Variants in DPP6 observed in about 807,000 individuals in gnomAD.
DPP6 encodes A-type potassium channel modulatory protein DPP6.
In DPP6, 69 loss-of-function variants were observed where a neutral mutation model predicts 122.6. The observed-to-expected ratio is 0.56, with a 90% CI of 0.46 to 0.69. The LOEUF (loss-of-function observed/expected upper bound fraction) is 0.69, where lower values mean the gene tolerates loss of function less well. DPP6 is among the 30% of genes least tolerant of loss of function. The probability of loss-of-function intolerance (pLI) is 0.00; values close to 1 mark genes in which losing one functional copy is unlikely to be tolerated. For synonymous variants in DPP6, 418 were observed against 433.1 expected, an observed-to-expected ratio of 0.97 and a Z score of 0.43; for missense variants, 928 against 1,116.9, an observed-to-expected ratio of 0.83 and a Z score of 2.41.
chr7:154,416,393 A>C (rs1474389252), intron 1 of DPP6, among the ~76,000 whole-genome samples: 1 of 152,226 alleles, frequency 6.6e-6, no homozygotes, highest in Non-Finnish European at 1.5e-5. Context: ...GCATTGTATC[A>C]TCTCAGATCA....
chr7:153,995,717 T>A (rs556558446), intron 1 of DPP6, among the ~76,000 whole-genome samples: 3 of 151,992 alleles, frequency 2.0e-5, no homozygotes, highest in East Asian at 3.9e-4. Flanking sequence ...GCTATCGGCA[T>A]ATATTGGCAT....
intron 1 of DPP6, among the ~76,000 whole-genome samples, chr7:154,101,682 CT>C (rs915393432): frequency 6.6e-6 from 1 of 151,872 alleles, no homozygotes; most frequent in African/African-American, 2.4e-5. Context: ...AATCCCAGCC[CT>C]CTGGGAGGCT....
chr7:153,967,093 T>TA (rs372253796), intron 1 of DPP6, among the ~76,000 whole-genome samples: 10,635 of 146,404 alleles, frequency 0.073, 1,240 homozygotes, highest in African/African-American at 0.25. Flanking sequence ...ACACAAAAGA[T>TA]AAAAAAAAAA....
chr7:154,061,416 C>A (rs1223292832), intron 1 of DPP6, among the ~76,000 whole-genome samples: 3 of 146,748 alleles, frequency 2.0e-5, no homozygotes, highest in Admixed American at 6.7e-5. Flanking sequence ...CTGGCTGAGG[C>A]CGGTAGCCTA....
intron 1 of DPP6, among the ~76,000 whole-genome samples, chr7:154,390,459 T>C (rs529014510): frequency 2.0e-5 from 3 of 151,992 alleles, no homozygotes; most frequent in South Asian, 4.2e-4. Context: ...TTCTGTGAGA[T>C]TGGAGGTATT....
intron 1 of DPP6, among the ~76,000 whole-genome samples, chr7:154,349,395 C>G (rs534748977): frequency 6.6e-6 from 1 of 152,214 alleles, no homozygotes; most frequent in Non-Finnish European, 1.5e-5. Flanking sequence ...AGGCTTGTCT[C>G]GAACTCCTGA....
At chr7:154,500,533 TCTC>T (rs1292487209) in intron 3 of DPP6, among the ~76,000 whole-genome samples, 1 of 152,154 alleles carries the variant, frequency 6.6e-6, no homozygotes, top group Non-Finnish European at 1.5e-5. Flanking sequence ...CCTGCGTTGT[TCTC>T]CTGATAGCGA....
intron 2 of DPP6, among the ~76,000 whole-genome samples, chr7:154,469,248 T>G (rs576779429): frequency 4.6e-5 from 7 of 152,336 alleles, no homozygotes; most frequent in African/African-American, 1.7e-4. Flanking sequence ...TACATTTTCT[T>G]GTAGCTCCTC....
At chr7:154,704,069 A>G (rs1467502355) in intron 7 of DPP6, among the ~76,000 whole-genome samples, 1 of 152,264 alleles carries the variant, frequency 6.6e-6, no homozygotes, top group Non-Finnish European at 1.5e-5. Context: ...CATTAAGAAC[A>G]TTCATATGCA....
chr7:154,097,070 A>G (rs1304598620), intron 1 of DPP6, among the ~76,000 whole-genome samples: 3 of 152,238 alleles, frequency 2.0e-5, no homozygotes, highest in African/African-American at 4.8e-5. Context: ...TCCACACTGC[A>G]CAGCCTGCTT....
At chr7:154,003,470 C>A (rs1225353297) in intron 1 of DPP6, among the ~76,000 whole-genome samples, 1 of 152,228 alleles carries the variant, frequency 6.6e-6, no homozygotes, top group Non-Finnish European at 1.5e-5. Context: ...GTGACACTCT[C>A]CTAACACAGA....
At chr7:154,001,503 C>T (rs1323909849) in intron 1 of DPP6, among the ~76,000 whole-genome samples, 4 of 149,626 alleles carry the variant, frequency 2.7e-5, no homozygotes, top group Admixed American at 6.7e-5. Context: ...ACATCTGGAG[C>T]GCTGTCCTCA....
intron 16 of DPP6, among the ~76,000 whole-genome samples, chr7:154,834,542 G>A (rs1800898053): frequency 6.6e-6 from 1 of 152,094 alleles, no homozygotes; most frequent in Admixed American, 6.5e-5. Context: ...CTCTAATAAT[G>A]GCCAAGAACT....
In DPP6 at chr7:154,627,338, G is replaced by T. The variant is rs577765725; in HGVS notation, c.628-10483G>T. ...AGCCTCCCAAGTAGCTGGGACTACA[G>T]GCCCCTGCCACCATGTCCAGCTAAT... On this transcript the variant is annotated intron_variant, in intron 5 of 25. Coordinates refer to ENST00000377770, the MANE Select transcript of DPP6 (RefSeq NM_130797.4). Among the ~76,000 whole-genome samples, 8 of 151,732 alleles carry T rather than the reference G, an allele frequency of 5.3e-5. No individual in the cohort carries two copies. The South Asian group carries it at 1.7e-3, about 32-fold the overall frequency.
chr7:154,775,473 T>C (rs987714447), intron 10 of DPP6, among the ~76,000 whole-genome samples: 3 of 152,088 alleles, frequency 2.0e-5, no homozygotes, highest in Admixed American at 1.3e-4. Flanking sequence ...CTGGGAGTGG[T>C]CACCATATAA....
At chr7:154,319,935 G>A (rs932722179) in intron 1 of DPP6, among the ~76,000 whole-genome samples, 3 of 150,762 alleles carry the variant, frequency 2.0e-5, no homozygotes, top group African/African-American at 7.3e-5. Context: ...AGGTTGCGGT[G>A]AGCCGAGATC....
rs777681729 is a variant in DPP6 at position 154,880,930 on chromosome 7, C to T, written c.2121C>T (p.Ala707=). ...KEQYIDRTRV[A]VFGKDYGGYL... ...AGTACATTGACAGGACGCGCGTGGC[C>T]GTGTTTGGGAAGGTGAGTCTGCGCC... Residue 707 remains alanine, a synonymous_variant, in exon 21 of 26, where the codon GCC becomes GCT. Coordinates refer to ENST00000377770, the MANE Select transcript of DPP6 (RefSeq NM_130797.4). The T allele has an allele frequency of 4.2e-5, 68 of 1,613,786 alleles. No individual in the cohort carries two copies. The highest frequency in any genetic ancestry group is 3.5e-4 in the African/African-American group (26 of 74,900).
chr7:154,398,939 T>G (rs538879680), intron 1 of DPP6, among the ~76,000 whole-genome samples: 1 of 152,372 alleles, frequency 6.6e-6, no homozygotes, highest in East Asian at 1.9e-4. Context: ...AAGATATTGT[T>G]TCTCCAGGGT....
chr7:153,871,759 A>G, the DPP6 span, among the ~76,000 whole-genome samples: 3 of 152,198 alleles, frequency 2.0e-5, no homozygotes, highest in Non-Finnish European at 4.4e-5. Flanking sequence ...TGGGAGCTAT[A>G]GACTGGAGCT....
Sources: gnomAD v4.1 joint callset for allele counts (sites outside exome capture counted in the v4.1 genomes callset) on GRCh38, gnomAD v4.1.1 for gene constraint, MANE v1.5 for transcripts, NCBI Gene and HGNC (gene_info 2026-07-23, HGNC 2026-07-21) for gene names.